Variants in KCNMA1 observed in about 807,000 individuals in gnomAD.
KCNMA1 encodes Calcium-activated potassium channel subunit alpha-1.
In KCNMA1, 29 loss-of-function variants were observed where a neutral mutation model predicts 140.0. The observed-to-expected ratio is 0.21, with a 90% CI of 0.15 to 0.28. The LOEUF (loss-of-function observed/expected upper bound fraction) is 0.28. KCNMA1 is among the 10% of genes least tolerant of loss of function. The pLI is 1.00. For missense variants in KCNMA1, 880 were observed against 1,602.2 expected, an observed-to-expected ratio of 0.55 and a Z score of 7.70; for synonymous variants, 612 against 611.9, an observed-to-expected ratio of 1.00 and a Z score of 0.00.
intron 2 of KCNMA1, among the ~76,000 whole-genome samples, chr10:77,279,950 C>T (rs4316451): frequency 0.84 from 128,519 of 152,144 alleles, 54,347 homozygotes; most frequent in Middle Eastern, 0.9. Flanking sequence ...TATAAATTTC[C>T]CAGTCTCAGT....
chr10:77,427,529 T>A (rs1473093206), intron 1 of KCNMA1, among the ~76,000 whole-genome samples: 1 of 151,782 alleles, frequency 6.6e-6, no homozygotes, highest in Non-Finnish European at 1.5e-5. Flanking sequence ...TGGTGGGAGG[T>A]CTTTGCTAAC....
chr10:77,412,690 C>T (rs1392294105), intron 1 of KCNMA1, among the ~76,000 whole-genome samples: 1 of 152,204 alleles, frequency 6.6e-6, no homozygotes, highest in Non-Finnish European at 1.5e-5. Flanking sequence ...GCAGAGGAGG[C>T]AGGGCCCCGG....
chr10:77,573,648 GAATAGAATAGAATAGAATAGAATAGAATA>G (rs2072782031), intron 1 of KCNMA1, among the ~76,000 whole-genome samples: 65 of 49,954 alleles, frequency 1.3e-3, no homozygotes, highest in Middle Eastern at 0.011. Flanking sequence ...GAATGGAATA[GAATAGAATAGAATAGAATAGAATAGAATA>G]GAATAGAATA....
chr10:77,500,672 A>G (rs2043542999), intron 1 of KCNMA1, among the ~76,000 whole-genome samples: 2 of 152,206 alleles, frequency 1.3e-5, no homozygotes, highest in African/African-American at 4.8e-5. Context: ...AACACAAAAC[A>G]TCAAATTGTC....
intron 2 of KCNMA1, among the ~76,000 whole-genome samples, chr10:77,257,669 TGTG>T (rs1411222276): frequency 6.6e-6 from 1 of 152,192 alleles, no homozygotes; most frequent in Non-Finnish European, 1.5e-5. Context: ...TCCCACGTGT[TGTG>T]GGAGGGACCT....
At chr10:77,073,075 C>T (rs766069565) in intron 14 of KCNMA1, 22 bp downstream of exon 14, 13 of 1,612,104 alleles carry the variant, frequency 8.1e-6, no homozygotes, top group Non-Finnish European at 1.1e-5. Flanking sequence ...AGCTAATGTG[C>T]TCTAATAAGA....
chr10:77,272,938 C>A (rs187574985), intron 2 of KCNMA1, among the ~76,000 whole-genome samples: 1 of 152,268 alleles, frequency 6.6e-6, no homozygotes, highest in East Asian at 1.9e-4. Flanking sequence ...CAAAGAGCTG[C>A]TATTTCTTCT....
intron 1 of KCNMA1, chr10:77,636,045 T>G: frequency 3.3e-6 from 1 of 302,284 alleles, no homozygotes; most frequent in Non-Finnish European, 5.5e-6. Flanking sequence ...GGGTCCTCGG[T>G]TTAACTTTAC....
chr10:77,116,059 C>G (rs1279600843), intron 6 of KCNMA1, among the ~76,000 whole-genome samples: 1 of 152,166 alleles, frequency 6.6e-6, no homozygotes, highest in Non-Finnish European at 1.5e-5. Context: ...TCATAGCCTT[C>G]CTGGTCAAGC....
At chr10:77,430,350 C>T (rs983129359) in intron 1 of KCNMA1, among the ~76,000 whole-genome samples, 25 of 152,148 alleles carry the variant, frequency 1.6e-4, no homozygotes, top group Admixed American at 1.4e-3. Context: ...GAGCCGAATG[C>T]ACTATTGAGT....
intron 1 of KCNMA1, among the ~76,000 whole-genome samples, chr10:77,578,639 G>C (rs1361710520): frequency 6.6e-6 from 1 of 152,156 alleles, no homozygotes; most frequent in Non-Finnish European, 1.5e-5. Flanking sequence ...GACAAAGAAA[G>C]AGATCTCATC....
chr10:77,187,638 T>C (rs1434778288), intron 3 of KCNMA1, among the ~76,000 whole-genome samples: 1 of 152,176 alleles, frequency 6.6e-6, no homozygotes, highest in Non-Finnish European at 1.5e-5. Context: ...CATACCTCAA[T>C]AATATGAGGG....
rs921562707 is a variant in KCNMA1, at chr10:77,404,093, A to C, written c.379-70T>G. 4.5e-6 allele frequency: 7 copies of C among 1,542,384 alleles called. 1 individual carries two copies. In the South Asian group the frequency reaches 7.8e-5, roughly 17 times the overall value. On this transcript the variant is annotated intron_variant, in intron 1 of 27. Transcript: ENST00000286628. ...TTTAAATAACATGCTCTACCCATAA[A>C]GAACCAGAGCCAGAAGGGGTCCCCA...
intron 1 of KCNMA1, among the ~76,000 whole-genome samples, chr10:77,522,613 G>C (rs968429059): frequency 2.6e-5 from 4 of 152,182 alleles, no homozygotes; most frequent in Non-Finnish European, 5.9e-5. Context: ...GAGCTGGCAG[G>C]GGGGCCGGAT....
chr10:77,244,461 C>T (rs1407906189), intron 3 of KCNMA1, among the ~76,000 whole-genome samples: 1 of 152,198 alleles, frequency 6.6e-6, no homozygotes, highest in South Asian at 2.1e-4. Flanking sequence ...CTAGGTACCA[C>T]TTGTGCAATG....
chr10:77,464,739 C>T (rs1475274680), intron 1 of KCNMA1, among the ~76,000 whole-genome samples: 3 of 152,108 alleles, frequency 2.0e-5, no homozygotes, highest in Non-Finnish European at 4.4e-5. Context: ...CTCAAGGTGC[C>T]CACGTCCTTG....
At chr10:76,882,231 C>T (rs959021342), downstream of KCNMA1, among the ~76,000 whole-genome samples, 6 of 152,048 alleles carry the variant, frequency 3.9e-5, no homozygotes, top group East Asian at 1.9e-4. Context: ...TTGAGAAGAT[C>T]GCAGAAAAGG....
At chr10:77,033,585 T>G (rs1565669032) in intron 15 of KCNMA1, among the ~76,000 whole-genome samples, 1 of 152,192 alleles carries the variant, frequency 6.6e-6, no homozygotes, top group Non-Finnish European at 1.5e-5. Context: ...TAGAGAGCCT[T>G]GCTATTATTA....
At chr10:77,051,639 T>C (rs1594799896) in intron 14 of KCNMA1, among the ~76,000 whole-genome samples, 1 of 152,310 alleles carries the variant, frequency 6.6e-6, no homozygotes, top group East Asian at 1.9e-4. Flanking sequence ...CTTAGCAGTT[T>C]TCCTTTGAGG....
Sources: allele counts gnomAD v4.1 joint callset (sites outside exome capture counted in the v4.1 genomes callset), GRCh38; gene constraint gnomAD v4.1.1; transcripts MANE v1.5; gene names NCBI Gene and HGNC (gene_info 2026-07-23, HGNC 2026-07-21).